Variants in COG5 observed in about 807,000 individuals in gnomAD.
COG5 encodes the protein component of oligomeric golgi complex 5.
COG5 carries 86 observed loss-of-function variants against 110.4 expected under a neutral mutation model. The observed-to-expected ratio is 0.78, with a 90% CI of 0.65 to 0.93. The LOEUF (loss-of-function observed/expected upper bound fraction) is 0.93, where lower values mean the gene tolerates loss of function less well. Ranked by LOEUF, COG5 falls within the 40% of genes least tolerant of loss-of-function variation. COG5 has a pLI of 0.00. For synonymous variants in COG5, 360 were observed against 334.6 expected, an observed-to-expected ratio of 1.08 and a Z score of -0.83; for missense variants, 1,077 against 987.0, an observed-to-expected ratio of 1.09 and a Z score of -1.22.
chr7:107,364,180 A>G (rs1813391267), intron 8 of COG5, among the ~76,000 whole-genome samples: 1 of 152,220 alleles, frequency 6.6e-6, no homozygotes, highest in Non-Finnish European at 1.5e-5. Context: ...ACATCATCTT[A>G]CCAATAGTAT....
At chr7:107,232,710 T>C (rs1800864147) in intron 18 of COG5, among the ~76,000 whole-genome samples, 1 of 152,202 alleles carries the variant, frequency 6.6e-6, no homozygotes, top group Non-Finnish European at 1.5e-5. Flanking sequence ...ATATTGTAAA[T>C]CATTTTCTTC....
At chr7:107,421,097 G>A (rs571679737) in intron 6 of COG5, among the ~76,000 whole-genome samples, 2 of 152,288 alleles carry the variant, frequency 1.3e-5, no homozygotes, top group African/African-American at 4.8e-5. Context: ...TTGTCCATCT[G>A]TTCTTCTGGG....
intron 3 of COG5, 149 bp from the exon 4 acceptor site, chr7:107,548,481 C>A (rs2129173244): frequency 1.3e-6 from 1 of 752,232 alleles, no homozygotes; most frequent in East Asian, 2.7e-5. Flanking sequence ...TTTACCCACA[C>A]TGCTGTAAAA....
chr7:107,420,415 A>G (rs1793201218), intron 6 of COG5, among the ~76,000 whole-genome samples: 1 of 152,212 alleles, frequency 6.6e-6, no homozygotes, highest in South Asian at 2.1e-4. Flanking sequence ...ACATGTAGAG[A>G]TAATCTTAAG....
intron 6 of COG5, among the ~76,000 whole-genome samples, chr7:107,513,813 C>G (rs1799715834): frequency 6.6e-6 from 1 of 152,006 alleles, no homozygotes; most frequent in Admixed American, 6.6e-5. Flanking sequence ...AAACCAAACA[C>G]CATATCTTCT....
intron 14 of COG5, among the ~76,000 whole-genome samples, chr7:107,264,488 T>C (rs540837688): frequency 6.6e-6 from 1 of 152,110 alleles, no homozygotes; most frequent in Non-Finnish European, 1.5e-5. Context: ...GCCCAGGAGT[T>C]TGAGACCAGC....
intron 10 of COG5, among the ~76,000 whole-genome samples, chr7:107,361,186 T>C (rs1210704310): frequency 2.0e-5 from 3 of 152,186 alleles, no homozygotes; most frequent in Non-Finnish European, 4.4e-5. Flanking sequence ...CTATGAATCA[T>C]TATCAAAAAC....
At position 107,474,140 on chromosome 7, in the gene COG5, A is replaced by C. The variant is rs1280373626; in HGVS notation, c.538+53097T>G. On this transcript the variant is annotated intron_variant, in intron 6 of 21. Transcript: ENST00000297135. The surrounding 1 kb of genome is among the most constrained non-coding windows in gnomAD (Gnocchi z 5.7). ...GTGCGAGATGACATTGATGACATCA[A>C]CACCAATATGTACCAACCACTATCA... 1 of 1,607,590 alleles carries C rather than the reference A, an allele frequency of 6.2e-7. No individual in the cohort carries two copies. The highest frequency in any genetic ancestry group is 1.3e-5 in the African/African-American group (1 of 74,882).
chr7:107,523,122 A>G (rs1432976351), intron 6 of COG5, among the ~76,000 whole-genome samples: 8 of 152,226 alleles, frequency 5.3e-5, no homozygotes, highest in Non-Finnish European at 1.2e-4. Flanking sequence ...TTAATAAACA[A>G]TATTAAGTCT....
At chr7:107,434,598 A>G (rs545183382) in intron 6 of COG5, among the ~76,000 whole-genome samples, 1 of 152,282 alleles carries the variant, frequency 6.6e-6, no homozygotes, top group South Asian at 2.1e-4. Flanking sequence ...AAAATAAATT[A>G]AGAGATAAAA....
intron 19 of COG5, among the ~76,000 whole-genome samples, chr7:107,216,217 T>C (rs1259851139): frequency 6.6e-6 from 1 of 152,192 alleles, no homozygotes; most frequent in East Asian, 1.9e-4. Flanking sequence ...TGTAAATATA[T>C]CTGTACCCAA....
At position 107,255,981 on chromosome 7, in the gene COG5, A is replaced by C. The variant is rs1211309531; in HGVS notation, c.1749+751T>G. On this transcript the variant is annotated intron_variant, in intron 16 of 21. Coordinates refer to ENST00000297135, the MANE Select transcript of COG5 (RefSeq NM_006348.5). The stretch of plus-strand genomic sequence containing the variant: ...AAGATATTATTTCTAAGATATATAA[A>C]GTGGGAACACAAATACGTAACTTGA... Among the ~76,000 whole-genome samples, 5 of 152,180 alleles carry C rather than the reference A, an allele frequency of 3.3e-5. No homozygotes were observed. In the East Asian group the frequency reaches 9.6e-4, roughly 29 times the overall value.
chr7:107,358,541 T>C (rs1812825914), intron 10 of COG5, among the ~76,000 whole-genome samples: 1 of 152,208 alleles, frequency 6.6e-6, no homozygotes, highest in African/African-American at 2.4e-5. Flanking sequence ...GAGTAGCTAT[T>C]GTCAGGAAAT....
chr7:107,547,005 A>C (rs1584954258), intron 5 of COG5, among the ~76,000 whole-genome samples: 1 of 152,230 alleles, frequency 6.6e-6, no homozygotes, highest in South Asian at 2.1e-4. Context: ...TCAAAGATGG[A>C]AAAGTATTTC....
chr7:107,399,051 A>C (rs992045792), intron 7 of COG5, among the ~76,000 whole-genome samples: 1 of 151,980 alleles, frequency 6.6e-6, no homozygotes, highest in African/African-American at 2.4e-5. Context: ...AAAATATAAA[A>C]ATTAGCTAGG....
chr7:107,465,199 A>G (rs1291712942), intron 6 of COG5, among the ~76,000 whole-genome samples: 1 of 152,194 alleles, frequency 6.6e-6, no homozygotes. Context: ...ATTTGCAGAC[A>G]ATTGTCTATA....
intron 17 of COG5, among the ~76,000 whole-genome samples, chr7:107,244,835 G>A (rs1266716069): frequency 6.6e-6 from 1 of 152,050 alleles, no homozygotes; most frequent in Non-Finnish European, 1.5e-5. Context: ...AAAGTCTGAG[G>A]CCTGATGGAT....
At chr7:107,272,459 T>C (rs1804355854) in intron 14 of COG5, among the ~76,000 whole-genome samples, 2 of 152,192 alleles carry the variant, frequency 1.3e-5, no homozygotes, top group African/African-American at 2.4e-5. Flanking sequence ...CTTGGGCACG[T>C]GTCATCAGGA....
At chr7:107,441,755 C>T (rs1794719226) in intron 6 of COG5, among the ~76,000 whole-genome samples, 1 of 152,140 alleles carries the variant, frequency 6.6e-6, no homozygotes, top group Non-Finnish European at 1.5e-5. Context: ...TTTACTTAGA[C>T]CATATGTGCT....
Sources: allele counts gnomAD v4.1 joint callset (sites outside exome capture counted in the v4.1 genomes callset), GRCh38; gene constraint gnomAD v4.1.1; non-coding constraint Gnocchi (gnomAD v3.1); transcripts MANE v1.5; gene names NCBI Gene and HGNC (gene_info 2026-07-23, HGNC 2026-07-21).